Variants in CACNB2 observed in about 807,000 individuals in gnomAD.
The protein encoded by CACNB2 is voltage-dependent L-type calcium channel subunit beta-2.
In CACNB2, 42 loss-of-function variants were observed where a neutral mutation model predicts 73.3. The observed-to-expected ratio is 0.57, with a 90% CI of 0.45 to 0.74. The LOEUF (loss-of-function observed/expected upper bound fraction) is 0.74. Ranked by LOEUF, CACNB2 falls within the 30% of genes least tolerant of loss-of-function variation. The pLI is 0.00. For missense variants in CACNB2, 940 were observed against 853.0 expected (o/e 1.10, Z -1.27); for synonymous variants, 348 against 310.3 (o/e 1.12, Z -1.28).
At chr10:18,170,707 G>A (rs2131147734) in intron 2 of CACNB2, among the ~76,000 whole-genome samples, 1 of 152,336 alleles carries the variant, frequency 6.6e-6, no homozygotes, top group East Asian at 1.9e-4. Flanking sequence ...TAGTCTTAAT[G>A]ACATTTGAGC....
At chr10:18,257,762 G>C (rs1343071502) in intron 2 of CACNB2, among the ~76,000 whole-genome samples, 2 of 152,072 alleles carry the variant, frequency 1.3e-5, no homozygotes, top group East Asian at 3.9e-4. Context: ...TCTGTTTTTT[G>C]AGATGGAGTT....
At chr10:18,285,708 T>A (rs2038757286) in intron 2 of CACNB2, among the ~76,000 whole-genome samples, 1 of 152,272 alleles carries the variant, frequency 6.6e-6, no homozygotes, top group Admixed American at 6.5e-5. Context: ...GTCTTAAATA[T>A]CAGCAAGCTT....
At chr10:18,270,883 C>T (rs576894088) in intron 2 of CACNB2, among the ~76,000 whole-genome samples, 16 of 152,222 alleles carry the variant, frequency 1.1e-4, no homozygotes, top group Non-Finnish European at 1.9e-4. Context: ...ACACTCAAGA[C>T]GTAATGGTTG....
At chr10:18,459,642 A>G (rs895501336) in intron 3 of CACNB2, among the ~76,000 whole-genome samples, 1 of 152,214 alleles carries the variant, frequency 6.6e-6, no homozygotes, top group Non-Finnish European at 1.5e-5. Flanking sequence ...ATTGCTAACT[A>G]AAAAGATCCA....
intron 3 of CACNB2, among the ~76,000 whole-genome samples, chr10:18,497,111 C>T (rs1467961507): frequency 2.7e-5 from 4 of 149,604 alleles, no homozygotes; most frequent in Admixed American, 2.0e-4. Flanking sequence ...ACTCGGGAGG[C>T]TGAAGCAGGA....
chr10:18,238,954 C>A (rs1371248779), intron 2 of CACNB2, among the ~76,000 whole-genome samples: 1 of 152,108 alleles, frequency 6.6e-6, no homozygotes, highest in Non-Finnish European at 1.5e-5. Context: ...TTTTTAATTA[C>A]AGAGGCGATG....
chr10:18,380,255 G>T (rs1241071375), intron 2 of CACNB2, among the ~76,000 whole-genome samples: 1 of 146,796 alleles, frequency 6.8e-6, no homozygotes, highest in Non-Finnish European at 1.5e-5. Context: ...CCACCAAATG[G>T]CATTTTCATT....
At position 18,152,815 on chromosome 10, in the gene CACNB2, C is replaced by T. The variant is rs2031715889; in HGVS notation, c.213+1840C>T. Among the ~76,000 whole-genome samples the T allele has an allele frequency of 2.7e-5, 4 of 149,222 alleles. No individual in the cohort carries two copies. The Admixed American group carries it at 2.7e-4, about 10-fold the overall frequency. ...AATGCCAAGCCGCTTGTTGAAATTG[C>T]ACGGAAAGAAAAACTGATATGTTTC... On this transcript the variant is annotated intron_variant, in intron 2 of 13. Transcript: ENST00000324631.
At chr10:18,331,330 C>T (rs1317527237) in intron 2 of CACNB2, among the ~76,000 whole-genome samples, 1 of 151,620 alleles carries the variant, frequency 6.6e-6, no homozygotes, top group African/African-American at 2.4e-5. Context: ...GGCACACACC[C>T]ATTGTCCTAG....
In CACNB2 at chr10:18,498,602, A is replaced by G. The variant is rs552075648; in HGVS notation, c.456+125A>G. 1.7e-4 allele frequency: 162 copies of G among 951,218 alleles called. 2 individuals are homozygous for G. The African/African-American group carries it at 2.3e-3, about 13-fold the overall frequency. The allele number at this position is 951,218 out of a possible 1,614,324, so 58.9% of individuals were successfully genotyped here. A position where few individuals can be genotyped will look rare whatever the true frequency, so the allele number is the denominator to read the frequency against. ...ACATCGCTGCAGTTGTATAACACAC[A>G]TAACTAAATCAATGGCTCTCAACCT... On this transcript the variant is annotated intron_variant, in intron 4 of 13. Coordinates refer to ENST00000324631, the MANE Select transcript of CACNB2 (RefSeq NM_201596.3).
chr10:18,207,540 T>C (rs903715576), intron 2 of CACNB2, among the ~76,000 whole-genome samples: 1 of 152,212 alleles, frequency 6.6e-6, no homozygotes, highest in South Asian at 2.1e-4. Context: ...TCTTAGTTAA[T>C]AAGCATTACT....
chr10:18,236,446 T>A (rs1483694287), intron 2 of CACNB2, among the ~76,000 whole-genome samples: 1 of 152,224 alleles, frequency 6.6e-6, no homozygotes, highest in Non-Finnish European at 1.5e-5. Flanking sequence ...ATTCTGCAGG[T>A]GCCTACAGCT....
chr10:18,140,834 G>C lies in CACNB2; in HGVS notation c.98G>C (p.Gly33Ala), dbSNP rs2030302052. 8.7e-6 allele frequency: 14 copies of C among 1,603,300 alleles called. No individual in the cohort carries two copies. The highest frequency in any genetic ancestry group is 1.2e-5 in the Non-Finnish European group (14 of 1,176,564). Residue 33 changes from glycine to alanine, a missense_variant, in exon 1 of 14, where the codon GGG becomes GCG. By Grantham distance (60) the Gly-to-Ala change is moderately conservative. Transcript: ENST00000324631. ...MELLENVAPAGALGAAAQSYG... is the reference protein window; with the variant it reads ...MELLENVAPAAALGAAAQSYG... ...CTGCTAGAGAACGTGGCTCCCGCGGGGGCGCTCGGAGCCGCCGCACAGGTA... is the reference window on the plus strand; with the variant it reads ...CTGCTAGAGAACGTGGCTCCCGCGGCGGCGCTCGGAGCCGCCGCACAGGTA...
chr10:18,165,619 C>A, intron 2 of CACNB2, among the ~76,000 whole-genome samples: 1 of 152,180 alleles, frequency 6.6e-6, no homozygotes, highest in Admixed American at 6.5e-5. Flanking sequence ...ACCATGTTGG[C>A]CAGGTACAGG....
At chr10:18,526,921 C>T (rs781411116) in intron 9 of CACNB2, among the ~76,000 whole-genome samples, 4 of 152,182 alleles carry the variant, frequency 2.6e-5, no homozygotes, top group African/African-American at 4.8e-5. Context: ...TAGTTACATA[C>T]ATACCCTTGG....
At chr10:18,386,616 C>G (rs547580837) in intron 2 of CACNB2, among the ~76,000 whole-genome samples, 1 of 152,016 alleles carries the variant, frequency 6.6e-6, no homozygotes, top group African/African-American at 2.4e-5. Context: ...CCGTGTTAGC[C>G]AGGACGGTCT....
intron 3 of CACNB2, among the ~76,000 whole-genome samples, chr10:18,481,192 C>CCATATATATATATATA (rs1228539443): frequency 5.4e-5 from 2 of 36,700 alleles, no homozygotes; most frequent in African/African-American, 2.3e-4. Flanking sequence ...TACATCTTCG[C>CCATATATATATATATA]TATATATATA....
In CACNB2 at chr10:18,539,529, GAGCAGTGACCA is replaced by G. The variant is rs2053939047; in HGVS notation, c.1789_1799del (p.Ser597GlnfsTer29). On this transcript the variant is annotated frameshift_variant, in exon 14 of 14. Coordinates refer to ENST00000324631, the MANE Select transcript of CACNB2 (RefSeq NM_201596.3). LOFTEE classifies it high-confidence loss of function. ...ACAACCACAGAGACGAGACCCACGGGAGCAGTGACCACAGACACAGGGAGTCCCGGCACCGT... is the reference window on the plus strand; with the variant it reads ...ACAACCACAGAGACGAGACCCACGGGCAGACACAGGGAGTCCCGGCACCGT... 1 of 1,613,748 alleles carries G rather than the reference GAGCAGTGACCA, an allele frequency of 6.2e-7. No homozygotes were observed. The highest frequency in any genetic ancestry group is 1.7e-5 in the Admixed American group (1 of 59,972).
chr10:18,220,201 G>GTGTATATATA lies in CACNB2; in HGVS notation c.213+69227_213+69228insGTATATATAT, dbSNP rs1251166931. Among the ~76,000 whole-genome samples the GTGTATATATA allele has an allele frequency of 1.7e-3, 39 of 23,296 alleles. 1 individual carries two copies. Among genetic ancestry groups the GTGTATATATA allele is most frequent in the South Asian group, 2.8e-3 (1 of 356 alleles). The allele number at this position is 23,296 out of a possible 152,430, so 15.3% of individuals were successfully genotyped here. A position where few individuals can be genotyped will look rare whatever the true frequency, so the allele number is the denominator to read the frequency against. The stretch of plus-strand genomic sequence containing the variant: ...CATATATATACATATATATGTGTGT[G>GTGTATATATA]TATATATATATATATATATATATAT... On this transcript the variant is annotated intron_variant, in intron 2 of 13. Coordinates refer to ENST00000324631, the MANE Select transcript of CACNB2 (RefSeq NM_201596.3).
Sources: gnomAD v4.1 joint callset for allele counts (sites outside exome capture counted in the v4.1 genomes callset) on GRCh38, gnomAD v4.1.1 for gene constraint, MANE v1.5 for transcripts, NCBI Gene and HGNC (gene_info 2026-07-23, HGNC 2026-07-21) for gene names.